Variants in MGAT4C observed in about 807,000 individuals in gnomAD.
The protein encoded by MGAT4C is MGAT4 family member C, also known as alpha-1,3-mannosyl-glycoprotein 4-beta-N-acetylglucosaminyltransferase C.
MGAT4C carries 19 observed loss-of-function variants against 40.1 expected under a neutral mutation model. That is an observed-to-expected ratio of 0.47 (90% confidence interval 0.33 to 0.70). The LOEUF is 0.70. MGAT4C is among the 30% of genes least tolerant of loss of function. The pLI, the probability that MGAT4C is intolerant of heterozygous loss-of-function variation, is 0.02. For missense variants in MGAT4C, 491 were observed against 563.2 expected (o/e 0.87, Z 1.30); for synonymous variants, 181 against 187.1 (o/e 0.97, Z 0.27).
chr12:86,678,929 C>A (rs1010247833), intron 2 of MGAT4C, among the ~76,000 whole-genome samples: 46 of 152,108 alleles, frequency 3.0e-4, no homozygotes, highest in African/African-American at 9.4e-4. Flanking sequence ...ATTTATAGTC[C>A]TTTGGGTATA....
rs1189770792 is a variant in MGAT4C, at chr12:86,740,454, A to T, written c.-261-13213T>A. Among the ~76,000 whole-genome samples, 8 of 151,276 alleles carry T rather than the reference A, an allele frequency of 5.3e-5. No individual in the cohort carries two copies. In the East Asian group the frequency reaches 1.6e-3, roughly 29 times the overall value. ...ATTGAAAGACTAAATGTAAGCTTTT[A>T]TTAACCAAAAAGATAATAGAGGGTG... On this transcript the variant is annotated intron_variant, in intron 1 of 7. Coordinates refer to the MGAT4C transcript ENST00000548651.
At chr12:86,475,123 C>T (rs2136307363) in intron 2 of MGAT4C, among the ~76,000 whole-genome samples, 1 of 152,134 alleles carries the variant, frequency 6.6e-6, no homozygotes, top group East Asian at 1.9e-4. Context: ...CTCCCCAATA[C>T]TCCTATTTAT....
At chr12:86,316,126 C>A (rs1394831507) in intron 4 of MGAT4C, among the ~76,000 whole-genome samples, 3 of 122,730 alleles carry the variant, frequency 2.4e-5, no homozygotes, top group Admixed American at 8.3e-5. Flanking sequence ...CGATCCACAT[C>A]ACTAATCATC....
chr12:86,241,749 G>A (rs1951798382), intron 1 of MGAT4C, among the ~76,000 whole-genome samples: 1 of 152,120 alleles, frequency 6.6e-6, no homozygotes, highest in Admixed American at 6.5e-5. Flanking sequence ...ACTTTATAAA[G>A]TGCCTCCTAA....
At chr12:86,403,325 G>A (rs1266064073) in intron 3 of MGAT4C, among the ~76,000 whole-genome samples, 2 of 152,180 alleles carry the variant, frequency 1.3e-5, no homozygotes, top group Non-Finnish European at 2.9e-5. Context: ...AACGCTGATG[G>A]AAGTCTCTGG....
Position 86,008,064 on chromosome 12 carries a change from C to T in MGAT4C, c.-6-18512G>A, listed in dbSNP as rs1888079657. Among the ~76,000 whole-genome samples, 3 of 152,048 alleles carry T rather than the reference C, an allele frequency of 2.0e-5. No individual in the cohort carries two copies. In the South Asian group the frequency reaches 6.2e-4, roughly 32 times the overall value. On this transcript the variant is annotated intron_variant, in intron 2 of 4. Transcript: ENST00000611864. Reference sequence around the variant, plus strand: ...TGTCAATATCATACTATCTGGATTACTATCTGAAATATGATGATGTGAGTC... The same window carrying T: ...TGTCAATATCATACTATCTGGATTATTATCTGAAATATGATGATGTGAGTC...
chr12:86,493,543 A>C (rs112981900), intron 2 of MGAT4C, among the ~76,000 whole-genome samples: 1 of 152,016 alleles, frequency 6.6e-6, no homozygotes, highest in Non-Finnish European at 1.5e-5. Context: ...AAACTATCGC[A>C]AGGACAAAAA....
intron 2 of MGAT4C, among the ~76,000 whole-genome samples, chr12:86,647,164 A>T (rs749598758): frequency 1.3e-5 from 2 of 151,926 alleles, no homozygotes; most frequent in African/African-American, 4.8e-5. Context: ...CTGCAGTCCC[A>T]TGAGTTATCC....
intron 2 of MGAT4C, among the ~76,000 whole-genome samples, chr12:86,580,420 G>T (rs1349024418): frequency 6.6e-6 from 1 of 151,182 alleles, no homozygotes; most frequent in African/African-American, 2.4e-5. Context: ...ATTATAGTCT[G>T]GTTCATAGTA....
intron 3 of MGAT4C, among the ~76,000 whole-genome samples, chr12:86,404,948 G>T (rs1425041239): frequency 6.6e-6 from 1 of 151,912 alleles, no homozygotes; most frequent in Non-Finnish European, 1.5e-5. Context: ...TGACTTCCTT[G>T]GATCTTCCTA....
At chr12:86,495,867 C>T (rs956209456) in intron 2 of MGAT4C, among the ~76,000 whole-genome samples, 3 of 151,776 alleles carry the variant, frequency 2.0e-5, no homozygotes, top group Non-Finnish European at 4.4e-5. Context: ...GACGCCAGAC[C>T]CCTCACCCAT....
intron 1 of MGAT4C, among the ~76,000 whole-genome samples, chr12:86,788,983 AC>A (rs1951979561): frequency 6.6e-6 from 1 of 152,164 alleles, no homozygotes; most frequent in African/African-American, 2.4e-5. Context: ...ATTTTCAATT[AC>A]TTGAAAATGT....
At chr12:86,726,898 C>A (rs1321590259) in intron 2 of MGAT4C, among the ~76,000 whole-genome samples, 3 of 151,984 alleles carry the variant, frequency 2.0e-5, no homozygotes, top group Non-Finnish European at 4.4e-5. Context: ...TTGAACATAC[C>A]TAAGAGTCTG....
rs71076160 is a variant in MGAT4C at position 86,120,223 on chromosome 12, T to TA, written c.-56-70501_-56-70500insT. On this transcript the variant is annotated intron_variant, in intron 1 of 4. Transcript: ENST00000611864. ...CTTTTTAAATTTTATTATTTTTATT[T>TA]TATTTTATTTTTTAATTATACTTTA... 6.1e-3 allele frequency among the ~76,000 whole-genome samples: 923 copies of TA among 150,816 alleles called. 5 individuals are homozygous for TA. Among genetic ancestry groups the TA allele is most frequent in the African/African-American group, 0.022 (886 of 41,084 alleles).
At chr12:86,233,359 AC>A (rs916888464) in intron 1 of MGAT4C, among the ~76,000 whole-genome samples, 5 of 152,182 alleles carry the variant, frequency 3.3e-5, no homozygotes, top group Non-Finnish European at 5.9e-5. Context: ...TTAAATCAAA[AC>A]CAATATTATA....
At chr12:86,552,776 A>AG in intron 2 of MGAT4C, among the ~76,000 whole-genome samples, 1 of 152,302 alleles carries the variant, frequency 6.6e-6, no homozygotes, top group South Asian at 2.1e-4. Context: ...TAATTTTCTG[A>AG]GGGTAGCTCA....
chr12:86,116,420 A>G (rs564412717), intron 1 of MGAT4C, among the ~76,000 whole-genome samples: 2 of 152,096 alleles, frequency 1.3e-5, no homozygotes, highest in Admixed American at 6.6e-5. Context: ...TGGCCAGATT[A>G]GAGATTTTTT....
chr12:86,266,090 T>C (rs1001325446), intron 4 of MGAT4C, among the ~76,000 whole-genome samples: 1 of 152,204 alleles, frequency 6.6e-6, no homozygotes, highest in African/African-American at 2.4e-5. Flanking sequence ...TAAGCAAAGA[T>C]AACTTGACTT....
At chr12:86,746,702 G>A (rs111833088) in intron 1 of MGAT4C, among the ~76,000 whole-genome samples, 6,689 of 151,342 alleles carry the variant, frequency 0.044, 340 homozygotes, top group African/African-American at 0.12. Flanking sequence ...CATGCTCCTC[G>A]CTCTTCTCTT....
Sources: allele counts gnomAD v4.1 joint callset (sites outside exome capture counted in the v4.1 genomes callset), GRCh38; gene constraint gnomAD v4.1.1; transcripts MANE v1.5; gene names NCBI Gene and HGNC (gene_info 2026-07-23, HGNC 2026-07-21).